APBB2: variants seen among roughly 807,000 people sequenced by gnomAD.
APBB2 encodes Fe65-like 1.
In APBB2, 38 loss-of-function variants were observed where a neutral mutation model predicts 82.5. The observed-to-expected ratio is 0.46, with a 90% CI of 0.36 to 0.60. APBB2 has a LOEUF of 0.60. Ranked by LOEUF, APBB2 falls within the 20% of genes least tolerant of loss-of-function variation. The probability of loss-of-function intolerance (pLI) is 0.00; values close to 1 mark genes in which losing one functional copy is unlikely to be tolerated. For missense variants in APBB2, 772 were observed against 972.3 expected (o/e 0.79, Z 2.74); for synonymous variants, 341 against 368.2 (o/e 0.93, Z 0.85).
At chr4:41,115,345 C>T (rs1000887284) in intron 2 of APBB2, among the ~76,000 whole-genome samples, 3 of 152,062 alleles carry the variant, frequency 2.0e-5, no homozygotes, top group Admixed American at 6.6e-5. Context: ...AATACTTAAA[C>T]GTAGATCTAA....
chr4:40,886,078 G>A (rs1298347016), intron 12 of APBB2, among the ~76,000 whole-genome samples: 2 of 152,194 alleles, frequency 1.3e-5, no homozygotes, highest in African/African-American at 4.8e-5. Flanking sequence ...AGACTATAGG[G>A]CTCATTGGCG....
At chr4:41,162,240 T>C (rs1765366487) in intron 1 of APBB2, among the ~76,000 whole-genome samples, 1 of 148,970 alleles carries the variant, frequency 6.7e-6, no homozygotes, top group Non-Finnish European at 1.5e-5. Flanking sequence ...TCACAATCTA[T>C]ACATAGATTG....
At chr4:40,965,514 T>G (rs1053668816) in intron 6 of APBB2, among the ~76,000 whole-genome samples, 1 of 152,108 alleles carries the variant, frequency 6.6e-6, no homozygotes, top group Non-Finnish European at 1.5e-5. Context: ...CAAATTGAGA[T>G]GTGCTGTCAG....
chr4:41,202,832 C>T (rs922246882), intron 1 of APBB2, among the ~76,000 whole-genome samples: 1 of 152,194 alleles, frequency 6.6e-6, no homozygotes, highest in Non-Finnish European at 1.5e-5. Flanking sequence ...CTTGACAAGA[C>T]AGCACTGTAT....
chr4:40,855,372 A>G (rs1760845714), intron 12 of APBB2, among the ~76,000 whole-genome samples: 1 of 152,246 alleles, frequency 6.6e-6, no homozygotes, highest in South Asian at 2.1e-4. Flanking sequence ...TCCCCATTGC[A>G]GAAAAGCTAG....
intron 1 of APBB2, among the ~76,000 whole-genome samples, chr4:41,147,813 A>T (rs1460658761): frequency 6.6e-6 from 1 of 152,084 alleles, no homozygotes; most frequent in African/African-American, 2.4e-5. Context: ...AATATCCACC[A>T]AGCCAATTCA....
intron 12 of APBB2, among the ~76,000 whole-genome samples, chr4:40,851,026 G>A (rs908185837): frequency 1.3e-5 from 2 of 152,150 alleles, no homozygotes; most frequent in African/African-American, 4.8e-5. Flanking sequence ...TCTGTTTCAA[G>A]GGTGCAACAT....
At chr4:41,000,845 T>C (rs1805006849) in intron 6 of APBB2, among the ~76,000 whole-genome samples, 1 of 152,012 alleles carries the variant, frequency 6.6e-6, no homozygotes, top group Admixed American at 6.6e-5. Context: ...GGGCCCTTGT[T>C]CCAAGCACAC....
chr4:40,853,197 T>C (rs1188567949), intron 12 of APBB2, among the ~76,000 whole-genome samples: 2 of 152,140 alleles, frequency 1.3e-5, no homozygotes, highest in East Asian at 3.9e-4. Context: ...TGATCTCTCC[T>C]GGACTAGGGC....
intron 6 of APBB2, among the ~76,000 whole-genome samples, chr4:40,980,733 G>A (rs1798258254): frequency 2.6e-5 from 4 of 152,222 alleles, no homozygotes; most frequent in Admixed American, 2.6e-4. Context: ...GGCATAAAAT[G>A]AAATTTGAAT....
intron 6 of APBB2, among the ~76,000 whole-genome samples, chr4:40,995,960 G>A (rs372100453): frequency 2.0e-4 from 31 of 152,272 alleles, no homozygotes; most frequent in East Asian, 1.7e-3. Flanking sequence ...GTGAGCCACC[G>A]TGCCCCGCCA....
chr4:41,047,711 T>G (rs1723952497), intron 4 of APBB2, among the ~76,000 whole-genome samples: 1 of 152,216 alleles, frequency 6.6e-6, no homozygotes, highest in South Asian at 2.1e-4. Context: ...AGTTTAACAT[T>G]CTACTCCACT....
At chr4:41,063,575 C>CA (rs1444912912) in intron 4 of APBB2, among the ~76,000 whole-genome samples, 1 of 152,212 alleles carries the variant, frequency 6.6e-6, no homozygotes, top group Non-Finnish European at 1.5e-5. Context: ...ATTCTATTAT[C>CA]AGCTATCCCT....
intron 3 of APBB2, among the ~76,000 whole-genome samples, chr4:41,085,470 A>G (rs1299644231): frequency 6.6e-6 from 1 of 152,112 alleles, no homozygotes; most frequent in Non-Finnish European, 1.5e-5. Context: ...CCCTAAGTTC[A>G]CTCTTTGGCT....
At chr4:41,208,512 T>G (rs1242440922) in intron 1 of APBB2, among the ~76,000 whole-genome samples, 1 of 152,222 alleles carries the variant, frequency 6.6e-6, no homozygotes, top group Non-Finnish European at 1.5e-5. Context: ...GCCACCTGCC[T>G]TGGCCTCCGA....
intron 2 of APBB2, among the ~76,000 whole-genome samples, chr4:41,141,318 G>T (rs991482066): frequency 1.6e-4 from 5 of 31,966 alleles, no homozygotes; most frequent in Admixed American, 5.1e-4. Flanking sequence ...GTGTGTCTGT[G>T]TGTGTGTGTG....
At chr4:40,819,174 C>CTT (rs1746888025) in intron 17 of APBB2, among the ~76,000 whole-genome samples, 3 of 92,682 alleles carry the variant, frequency 3.2e-5, no homozygotes, top group South Asian at 2.8e-4. Context: ...CCCCTTGGCT[C>CTT]TCTTTTTTTT....
At chr4:41,178,525 T>A (rs1320403281) in intron 1 of APBB2, among the ~76,000 whole-genome samples, 1 of 152,178 alleles carries the variant, frequency 6.6e-6, no homozygotes, top group Non-Finnish European at 1.5e-5. Context: ...TGTTTTACCC[T>A]CCACTGTACT....
At chr4:40,841,554 T>C (rs1755815182) in intron 12 of APBB2, among the ~76,000 whole-genome samples, 1 of 152,192 alleles carries the variant, frequency 6.6e-6, no homozygotes, top group African/African-American at 2.4e-5. Context: ...GGGAGGACCA[T>C]ATATTTTGGC....
Sources: gnomAD v4.1 joint callset for allele counts (sites outside exome capture counted in the v4.1 genomes callset) on GRCh38, gnomAD v4.1.1 for gene constraint, MANE v1.5 for transcripts, NCBI Gene and HGNC (gene_info 2026-07-23, HGNC 2026-07-21) for gene names.